The following ACACA variants were observed in gnomAD, a reference collection of about 807,000 sequenced individuals.
ACACA encodes acetyl-CoA carboxylase 1.
Under a neutral mutation model 296.1 loss-of-function variants are expected in ACACA, and 103 were observed. The observed-to-expected ratio is 0.35, with a 90% CI of 0.30 to 0.41. The LOEUF is 0.41. ACACA is among the 10% of genes least tolerant of loss of function. ACACA has a pLI of 1.00. For missense variants in ACACA, 1,554 were observed against 2,989.7 expected (o/e 0.52, Z 11.20); for synonymous variants, 953 against 1,038.6 (o/e 0.92, Z 1.58).
chr17:37,282,787 T>G lies in ACACA; in HGVS notation c.610+480A>C, dbSNP rs535669542. The stretch of plus-strand genomic sequence containing the variant: ...TACAACTATCAGACAGAGAACCATC[T>G]GAGTAAAAAGAATATGTAGCCGAAT... On this transcript the variant is annotated intron_variant, in intron 5 of 55. Transcript: ENST00000616317. Among the ~76,000 whole-genome samples, 4 of 152,234 alleles carry G rather than the reference T, an allele frequency of 2.6e-5. No homozygotes were observed. The South Asian group carries it at 8.3e-4, about 32-fold the overall frequency.
In ACACA at chr17:37,406,645, G is replaced by C; in HGVS notation, c.-346C>G. On this transcript the variant is annotated 5_prime_UTR_variant, in exon 1 of 56. Transcript: ENST00000616317. Reference sequence around the variant, plus strand: ...ACGCGCCAGGAAGCCTCAGGCAACGGGCCACGCGCCACACGGGCAAAGTGA... The same window carrying C: ...ACGCGCCAGGAAGCCTCAGGCAACGCGCCACGCGCCACACGGGCAAAGTGA... 2.0e-6 allele frequency: 1 copy of C among 491,760 alleles called. No homozygotes were observed. The highest frequency in any genetic ancestry group is 3.7e-6 in the Non-Finnish European group (1 of 270,644). The allele number at this position is 491,760 out of a possible 1,614,324, so 30.5% of individuals were successfully genotyped here.
At chr17:37,274,083 C>A (rs773694777) in intron 9 of ACACA, 110 bp downstream of exon 9, 5 of 886,770 alleles carry the variant, frequency 5.6e-6, no homozygotes, top group Admixed American at 1.7e-5. Flanking sequence ...CCTGGTCTTA[C>A]ATCCCTAACA....
At chr17:37,268,230 T>C (rs543660828) in intron 10 of ACACA, among the ~76,000 whole-genome samples, 2 of 152,338 alleles carry the variant, frequency 1.3e-5, no homozygotes, top group South Asian at 2.1e-4. Flanking sequence ...CTATTTTCAA[T>C]TGAGTGGTTG....
In ACACA at chr17:37,129,494, A is replaced by T; in HGVS notation, c.5824-9T>A. 1 of 1,613,820 alleles carries T rather than the reference A, an allele frequency of 6.2e-7. No homozygotes were observed. On this transcript the variant is annotated splice_polypyrimidine_tract_variant and intron_variant, in intron 46 of 55. Coordinates refer to ENST00000616317, the MANE Select transcript of ACACA (RefSeq NM_198834.3). ...ACTGAACTGTGCACGCTCTAAAAGG[A>T]GATTGGAAGAGAGCACAGCAATCAG...
intron 23 of ACACA, among the ~76,000 whole-genome samples, chr17:37,240,826 T>C (rs1363286149): frequency 2.0e-5 from 3 of 152,192 alleles, no homozygotes; most frequent in African/African-American, 7.2e-5. Flanking sequence ...TTCCTACTGC[T>C]AAGTAGAAAT....
chr17:37,248,206 C>G, intron 17 of ACACA, 50 bp from the exon 18 acceptor site: 3 of 1,607,414 alleles, frequency 1.9e-6, no homozygotes, highest in Non-Finnish European at 2.6e-6. Context: ...GGTACAGCTC[C>G]AAATGAAATT....
At chr17:37,397,052 G>A (rs868092902) in intron 1 of ACACA, among the ~76,000 whole-genome samples, 2 of 120,474 alleles carry the variant, frequency 1.7e-5, no homozygotes, top group Admixed American at 9.6e-5. Flanking sequence ...CCCACCCCAC[G>A]ACAGGCGCTG....
chr17:37,398,084 G>T (rs1199912940), intron 1 of ACACA, among the ~76,000 whole-genome samples: 3 of 151,698 alleles, frequency 2.0e-5, no homozygotes, highest in African/African-American at 7.3e-5. Context: ...CAAAAAATTA[G>T]CTGGGCGTGG....
chr17:37,380,149 A>G (rs1001337268), intron 1 of ACACA, among the ~76,000 whole-genome samples: 7 of 151,986 alleles, frequency 4.6e-5, no homozygotes, highest in African/African-American at 1.5e-4. Flanking sequence ...ATTGGACATC[A>G]TCATTCTCAG....
In ACACA at chr17:37,129,606, C is replaced by A. The variant is rs2074992273; in HGVS notation, c.5824-121G>T. ...ACGTATGGAATTGCACCCAATAGTC[C>A]CAATCTTCAGCTGGAAGAATCCTAC... On this transcript the variant is annotated intron_variant, in intron 46 of 55. Coordinates refer to ENST00000616317, the MANE Select transcript of ACACA (RefSeq NM_198834.3). The A allele has an allele frequency of 7.6e-6, 10 of 1,318,188 alleles. No homozygotes were observed. The South Asian group carries it at 9.9e-5, about 13-fold the overall frequency. The allele number at this position is 1,318,188 out of a possible 1,614,324, so 81.7% of individuals were successfully genotyped here. A position where few individuals can be genotyped will look rare whatever the true frequency, so the allele number is the denominator to read the frequency against.
intron 12 of ACACA, among the ~76,000 whole-genome samples, chr17:37,259,012 T>C (rs2146210711): frequency 6.6e-6 from 1 of 152,256 alleles, no homozygotes; most frequent in South Asian, 2.1e-4. Context: ...ATTATTTCAA[T>C]AAAGAACACT....
At chr17:37,254,585 C>T (rs192967667) in intron 14 of ACACA, among the ~76,000 whole-genome samples, 1 of 152,260 alleles carries the variant, frequency 6.6e-6, no homozygotes, top group East Asian at 1.9e-4. Flanking sequence ...TTGTCTTACA[C>T]CCTCTGGATT....
At chr17:37,093,463 A>G (rs1016314093) in intron 54 of ACACA, among the ~76,000 whole-genome samples, 1 of 152,048 alleles carries the variant, frequency 6.6e-6, no homozygotes, top group Non-Finnish European at 1.5e-5. Context: ...GGAAACTAGC[A>G]TATTTTGAAT....
chr17:37,111,437 A>G, intron 52 of ACACA, 94 bp downstream of exon 52: 1 of 906,028 alleles, frequency 1.1e-6, no homozygotes, highest in Non-Finnish European at 1.9e-6. Flanking sequence ...AATTTGATCA[A>G]ATGCTTCAGT....
At chr17:37,216,158 A>ACCCC (rs1491144220) in intron 29 of ACACA, among the ~76,000 whole-genome samples, 2 of 95,362 alleles carry the variant, frequency 2.1e-5, no homozygotes, top group African/African-American at 7.1e-5. Context: ...ACACACACAC[A>ACCCC]ACATACACAT....
chr17:37,197,429 T>C (rs1230256135), intron 35 of ACACA, among the ~76,000 whole-genome samples: 1 of 152,166 alleles, frequency 6.6e-6, no homozygotes, highest in Non-Finnish European at 1.5e-5. Context: ...TTCAATAATA[T>C]AGGGATTCCA....
At chr17:37,207,574 T>C (rs915615446) in intron 31 of ACACA, 83 bp downstream of exon 31, 56 of 1,542,166 alleles carry the variant, frequency 3.6e-5, no homozygotes, top group Non-Finnish European at 4.9e-5. Context: ...GGGAGACCTT[T>C]ATTCATTTTG....
At chr17:37,291,776 G>A (rs547816021) in intron 3 of ACACA, among the ~76,000 whole-genome samples, 1 of 152,234 alleles carries the variant, frequency 6.6e-6, no homozygotes, top group East Asian at 1.9e-4. Context: ...ACCTGATGAT[G>A]TTATTAAATA....
rs746037157 is a variant in ACACA, at chr17:37,270,700, A to C, written c.1119+51T>G. 6 of 1,330,792 alleles carry C rather than the reference A, an allele frequency of 4.5e-6. No individual in the cohort carries two copies. The Admixed American group carries it at 8.4e-5, about 19-fold the overall frequency. The allele number at this position is 1,330,792 out of a possible 1,614,324, so 82.4% of individuals were successfully genotyped here. On this transcript the variant is annotated intron_variant, in intron 10 of 55. Transcript: ENST00000616317. ...AATTATAGTATGAGTTAAATCATATATCTCTGATATACATGTTAGTTCAAA... is the reference window on the plus strand; with the variant it reads ...AATTATAGTATGAGTTAAATCATATCTCTCTGATATACATGTTAGTTCAAA...
Sources: allele counts gnomAD v4.1 joint callset (sites outside exome capture counted in the v4.1 genomes callset), GRCh38; gene constraint gnomAD v4.1.1; transcripts MANE v1.5; gene names NCBI Gene and HGNC (gene_info 2026-07-23, HGNC 2026-07-21).